The following MAP3K19 variants were observed in gnomAD, a reference collection of about 807,000 sequenced individuals.
MAP3K19 encodes the protein mitogen-activated protein kinase kinase kinase 19, also known as SPS1/STE20-related protein kinase YSK4.
MAP3K19 carries 91 observed loss-of-function variants against 114.4 expected under a neutral mutation model. The ratio of observed to expected loss-of-function variants is 0.80; its 90% CI spans 0.67 to 0.95. The LOEUF (loss-of-function observed/expected upper bound fraction) is 0.95, where lower values mean the gene tolerates loss of function less well. Ranked by LOEUF, MAP3K19 falls within the 40% of genes least tolerant of loss-of-function variation. The pLI is 0.00. For missense variants in MAP3K19, 1,471 were observed against 1,573.2 expected (o/e 0.94, Z 1.10); for synonymous variants, 518 against 530.5 (o/e 0.98, Z 0.32).
chr2:134,979,334 C>T (rs1684455835), intron 12 of MAP3K19, among the ~76,000 whole-genome samples: 1 of 151,978 alleles, frequency 6.6e-6, no homozygotes, highest in African/African-American at 2.4e-5. Flanking sequence ...TCACAATAAC[C>T]CTGTTAATTT....
At chr2:135,001,136 C>A (rs1351735385) in intron 6 of MAP3K19, among the ~76,000 whole-genome samples, 5 of 149,020 alleles carry the variant, frequency 3.4e-5, no homozygotes, top group Admixed American at 1.3e-4. Flanking sequence ...AAAAAAAAAA[C>A]ACAGTAAAAA....
intron 4 of MAP3K19, chr2:135,023,519 T>A (rs758890125): frequency 5.6e-6 from 3 of 533,504 alleles, no homozygotes; most frequent in Middle Eastern, 6.4e-4. Flanking sequence ...AAAGTTCCAA[T>A]GTGCTCCCAT....
chr2:134,980,586 A>G (rs1288695047), intron 12 of MAP3K19: 1 of 502,884 alleles, frequency 2.0e-6, no homozygotes, highest in African/African-American at 1.9e-5. Context: ...ACAGAACTTG[A>G]TAAGACATTT....
chr2:134,978,032 A>G (rs1684370043), intron 12 of MAP3K19, among the ~76,000 whole-genome samples: 1 of 151,676 alleles, frequency 6.6e-6, no homozygotes, highest in Non-Finnish European at 1.5e-5. Flanking sequence ...TTCTTCTTAC[A>G]CCTTGGGGCA....
chr2:134,981,887 T>C (rs1416322542), intron 11 of MAP3K19, among the ~76,000 whole-genome samples: 1 of 148,948 alleles, frequency 6.7e-6, no homozygotes. Context: ...TTTCTTTTTT[T>C]TTTTTTTTTT....
At chr2:135,020,593 T>C (rs1459287113) in intron 5 of MAP3K19, among the ~76,000 whole-genome samples, 1 of 152,216 alleles carries the variant, frequency 6.6e-6, no homozygotes, top group East Asian at 1.9e-4. Flanking sequence ...GAATTACAGG[T>C]GTGATATGAT....
intron 3 of MAP3K19, among the ~76,000 whole-genome samples, chr2:135,027,017 G>A (rs1688270512): frequency 6.6e-6 from 1 of 152,178 alleles, no homozygotes; most frequent in South Asian, 2.1e-4. Flanking sequence ...AGGCCAAGAT[G>A]GGAGAGCAGC....
chr2:135,025,678 G>A (rs1379185091), intron 3 of MAP3K19, among the ~76,000 whole-genome samples: 1 of 151,590 alleles, frequency 6.6e-6, no homozygotes, highest in Non-Finnish European at 1.5e-5. Flanking sequence ...GAGCCACCGC[G>A]CCCAGCCCCC....
intron 2 of MAP3K19, among the ~76,000 whole-genome samples, chr2:135,038,142 A>G (rs1286712762): frequency 6.6e-6 from 1 of 152,116 alleles, no homozygotes; most frequent in Non-Finnish European, 1.5e-5. Context: ...TTATCTAAGC[A>G]TTTTTAAATG....
At chr2:135,037,830 T>A (rs1688565350) in intron 2 of MAP3K19, among the ~76,000 whole-genome samples, 1 of 152,160 alleles carries the variant, frequency 6.6e-6, no homozygotes, top group African/African-American at 2.4e-5. Context: ...CCTCTTCCTA[T>A]CACTCAGTGG....
intron 4 of MAP3K19, among the ~76,000 whole-genome samples, chr2:135,022,431 T>C (rs2105372987): frequency 6.6e-6 from 1 of 152,296 alleles, no homozygotes; most frequent in Admixed American, 6.5e-5. Flanking sequence ...TACAGACTTC[T>C]ACTGGTGGAA....
At chr2:135,017,116 C>CCTTGGCTAT (rs1326943397) in intron 5 of MAP3K19, among the ~76,000 whole-genome samples, 1 of 152,018 alleles carries the variant, frequency 6.6e-6, no homozygotes, top group Non-Finnish European at 1.5e-5. Flanking sequence ...ACCTGATAAC[C>CCTTGGCTAT]CTTGGCTATC....
At chr2:134,976,361 G>T (rs1260621388) in intron 12 of MAP3K19, among the ~76,000 whole-genome samples, 1 of 152,194 alleles carries the variant, frequency 6.6e-6, no homozygotes, top group Non-Finnish European at 1.5e-5. Context: ...GATTGCAGGA[G>T]TTCACTGTGA....
At chr2:134,975,358 G>A (rs540160305) in intron 12 of MAP3K19, among the ~76,000 whole-genome samples, 3 of 152,246 alleles carry the variant, frequency 2.0e-5, no homozygotes, top group South Asian at 4.1e-4. Flanking sequence ...TGGATGGGCC[G>A]GTCCTCAGGT....
chr2:135,046,318 C>G (rs1398524646), intron 1 of MAP3K19, among the ~76,000 whole-genome samples: 1 of 152,008 alleles, frequency 6.6e-6, no homozygotes, highest in Non-Finnish European at 1.5e-5. Context: ...CCCTCTATCG[C>G]CCAGACTGGA....
intron 3 of MAP3K19, among the ~76,000 whole-genome samples, chr2:135,028,858 G>A (rs1330944002): frequency 6.6e-6 from 1 of 152,030 alleles, no homozygotes; most frequent in African/African-American, 2.4e-5. Context: ...GGGTACTGTG[G>A]GAATTAATTA....
At chr2:135,020,895 C>G (rs1390371776) in intron 5 of MAP3K19, among the ~76,000 whole-genome samples, 1 of 152,166 alleles carries the variant, frequency 6.6e-6, no homozygotes, top group East Asian at 1.9e-4. Flanking sequence ...TCAATTAAAC[C>G]TCTTTTGTTT....
In MAP3K19 at chr2:134,998,722, T is replaced by A. The variant is rs766759696; in HGVS notation, c.574+16A>T. ...TGACCAAAAGGACTCACTGTGGAATTCAATGTTCAACTTACCTTCAGATTT... is the reference window on the plus strand; with the variant it reads ...TGACCAAAAGGACTCACTGTGGAATACAATGTTCAACTTACCTTCAGATTT... On this transcript the variant is annotated intron_variant, in intron 8 of 12. Coordinates refer to ENST00000392915, the MANE Select transcript of MAP3K19 (RefSeq NM_025052.5). The A allele has an allele frequency of 6.3e-7, 1 of 1,588,238 alleles. No homozygotes were observed. Among genetic ancestry groups the A allele is most frequent in the Non-Finnish European group, 8.6e-7 (1 of 1,168,368 alleles).
chr2:134,988,050 A>G lies in MAP3K19; in HGVS notation c.822T>C (p.Asp274=). Residue 274 remains aspartate (D), a synonymous_variant, in exon 10 of 13, where the codon GAT becomes GAC. Transcript: ENST00000392915. ...PPGALVKSLM[D]PTLRSSDGFI... ...AGCCATCAGAAGACCTGAGAGTCGG[A>G]TCCATCAACGACTTAACTAGGGCTC... 6.2e-7 allele frequency: 1 copy of G among 1,613,820 alleles called. No individual in the cohort carries two copies. Among genetic ancestry groups the G allele is most frequent in the South Asian group, 1.1e-5 (1 of 91,046 alleles).
Sources: allele counts gnomAD v4.1 joint callset (sites outside exome capture counted in the v4.1 genomes callset), GRCh38; gene constraint gnomAD v4.1.1; transcripts MANE v1.5; gene names NCBI Gene and HGNC (gene_info 2026-07-23, HGNC 2026-07-21).